Variants in PPM1H observed in about 807,000 individuals in gnomAD.
PPM1H encodes the protein protein phosphatase 1H.
A neutral mutation model predicts 54.9 loss-of-function variants in PPM1H; 27 were observed. The ratio of observed to expected loss-of-function variants is 0.49; its 90% confidence interval spans 0.36 to 0.68. The LOEUF is 0.68. PPM1H is among the 30% of genes least tolerant of loss of function. PPM1H has a pLI of 0.00. For synonymous variants in PPM1H, 305 were observed against 270.8 expected (o/e 1.13, Z -1.24); for missense variants, 596 against 667.8 (o/e 0.89, Z 1.19).
At chr12:62,825,030 C>T (rs527584119) in intron 2 of PPM1H, among the ~76,000 whole-genome samples, 62 of 151,040 alleles carry the variant, frequency 4.1e-4, no homozygotes, top group African/African-American at 1.4e-3. Context: ...CCAGAATCTA[C>T]AAAGAAACAA....
intron 4 of PPM1H, among the ~76,000 whole-genome samples, chr12:62,745,335 T>G (rs140539505): frequency 6.6e-6 from 1 of 152,336 alleles, no homozygotes; most frequent in East Asian, 1.9e-4. Context: ...GTGCTGGGAT[T>G]ACAGGCATGA....
intron 4 of PPM1H, among the ~76,000 whole-genome samples, chr12:62,766,420 T>C (rs1486907263): frequency 1.4e-5 from 2 of 146,072 alleles, no homozygotes; most frequent in African/African-American, 5.3e-5. Flanking sequence ...AGGTAGGAAT[T>C]AAGTTAATAC....
intron 3 of PPM1H, among the ~76,000 whole-genome samples, chr12:62,798,276 G>A (rs2076747786): frequency 6.6e-6 from 1 of 152,212 alleles, no homozygotes; most frequent in African/African-American, 2.4e-5. Flanking sequence ...GAGCAGGTAG[G>A]GGATAGTCTG....
chr12:62,764,262 G>A (rs1282990658), intron 4 of PPM1H, among the ~76,000 whole-genome samples: 2 of 152,130 alleles, frequency 1.3e-5, no homozygotes, highest in African/African-American at 2.4e-5. Flanking sequence ...GGACACCAAT[G>A]TCCCCTGGCT....
At chr12:62,905,452 GA>G (rs1171907564) in intron 1 of PPM1H, among the ~76,000 whole-genome samples, 1 of 152,098 alleles carries the variant, frequency 6.6e-6, no homozygotes. Flanking sequence ...ATCTAAATGT[GA>G]AAGACATGAT....
intron 5 of PPM1H, among the ~76,000 whole-genome samples, chr12:62,736,154 T>A (rs2076348288): frequency 6.6e-6 from 1 of 152,218 alleles, no homozygotes. Context: ...GCAGAGAGGC[T>A]AGCTATAACG....
At chr12:62,924,007 T>C (rs1401116534) in intron 1 of PPM1H, among the ~76,000 whole-genome samples, 1 of 152,258 alleles carries the variant, frequency 6.6e-6, no homozygotes, top group Non-Finnish European at 1.5e-5. Context: ...CTTCTGGTTT[T>C]AAAAATCCTT....
chr12:62,697,762 A>T (rs995708509), intron 6 of PPM1H, among the ~76,000 whole-genome samples: 1 of 152,030 alleles, frequency 6.6e-6, no homozygotes, highest in Non-Finnish European at 1.5e-5. Flanking sequence ...TTGAAATCCT[A>T]ATTAAATTTT....
intron 4 of PPM1H, among the ~76,000 whole-genome samples, chr12:62,744,252 C>G (rs1015297858): frequency 2.0e-5 from 3 of 151,128 alleles, no homozygotes; most frequent in South Asian, 2.1e-4. Context: ...GAGTGGATCA[C>G]TTGAGGTCAG....
intron 8 of PPM1H, among the ~76,000 whole-genome samples, chr12:62,675,543 C>CAGATG (rs2075980679): frequency 6.6e-6 from 1 of 152,220 alleles, no homozygotes; most frequent in African/African-American, 2.4e-5. Flanking sequence ...GGGTGCAGAA[C>CAGATG]AGATGAACCA....
intron 1 of PPM1H, among the ~76,000 whole-genome samples, chr12:62,837,257 A>C (rs1249867150): frequency 6.6e-6 from 1 of 152,228 alleles, no homozygotes; most frequent in Non-Finnish European, 1.5e-5. Flanking sequence ...AAGGACACTC[A>C]TCTGATGACA....
At chr12:62,661,251 C>T (rs1322751600) in intron 9 of PPM1H, among the ~76,000 whole-genome samples, 4 of 152,172 alleles carry the variant, frequency 2.6e-5, no homozygotes, top group Non-Finnish European at 2.9e-5. Context: ...AGACTGTAAA[C>T]TCAAAGAGGG....
chr12:62,667,195 A>G lies in PPM1H; in HGVS notation c.1380T>C (p.Asp460=). 6.3e-7 allele frequency: 1 copy of G among 1,599,664 alleles called. No homozygotes were observed. Among genetic ancestry groups the G allele is most frequent in the Non-Finnish European group, 8.6e-7 (1 of 1,167,292 alleles). Residue 460 remains aspartate, a synonymous_variant, in exon 9 of 10, where the codon GAT becomes GAC. Transcript: ENST00000228705. ...EAITQFLPNC[D]PDDPHRYTLA... is the part of the protein sequence containing the mutation. ...GCACAAACCTGTGAGGATCATCTGG[A>G]TCACAGTTAGGAAGAAACTGAGTGA...
intron 1 of PPM1H, among the ~76,000 whole-genome samples, chr12:62,851,257 A>G (rs1309815452): frequency 6.6e-6 from 1 of 152,230 alleles, no homozygotes; most frequent in Non-Finnish European, 1.5e-5. Flanking sequence ...GCACTCAAAG[A>G]TAATAGGGCA....
At chr12:62,828,972 G>A (rs1003031544) in intron 2 of PPM1H, among the ~76,000 whole-genome samples, 5 of 151,726 alleles carry the variant, frequency 3.3e-5, no homozygotes, top group Admixed American at 3.3e-4. Context: ...TGAAGACGTG[G>A]AGAAATAGGA....
intron 4 of PPM1H, among the ~76,000 whole-genome samples, chr12:62,741,689 C>T (rs2076381634): frequency 6.6e-6 from 1 of 152,180 alleles, no homozygotes; most frequent in Admixed American, 6.5e-5. Flanking sequence ...GCTATGACTG[C>T]TGGCTTCCAT....
intron 8 of PPM1H, among the ~76,000 whole-genome samples, chr12:62,677,081 C>A (rs569350927): frequency 7.7e-4 from 118 of 152,282 alleles, no homozygotes; most frequent in African/African-American, 2.6e-3. Context: ...GACAACCTGC[C>A]TGCAGATAGG....
chr12:62,851,838 G>GT (rs1484507532), intron 1 of PPM1H, among the ~76,000 whole-genome samples: 1 of 152,170 alleles, frequency 6.6e-6, no homozygotes, highest in African/African-American at 2.4e-5. Flanking sequence ...AAAAAAACTA[G>GT]TTTTTTCCCA....
At chr12:62,673,778 T>G (rs2075970608) in intron 8 of PPM1H, among the ~76,000 whole-genome samples, 1 of 134,276 alleles carries the variant, frequency 7.4e-6, no homozygotes, top group Admixed American at 8.6e-5. Flanking sequence ...CAGGCTGGAG[T>G]GCTGTGGCAC....
Sources: allele counts gnomAD v4.1 joint callset (sites outside exome capture counted in the v4.1 genomes callset), GRCh38; gene constraint gnomAD v4.1.1; transcripts MANE v1.5; gene names NCBI Gene and HGNC (gene_info 2026-07-23, HGNC 2026-07-21).